The following SORCS2 variants were observed in gnomAD, a reference collection of about 807,000 sequenced individuals.
The protein encoded by SORCS2 is sortilin related VPS10 domain containing receptor 2.
In SORCS2, 100 loss-of-function variants were observed where a neutral mutation model predicts 141.6. That is an observed-to-expected ratio of 0.71 (90% CI 0.60 to 0.83). The LOEUF (loss-of-function observed/expected upper bound fraction) is 0.83, where lower values mean the gene tolerates loss of function less well. Among genes scored for constraint, SORCS2 ranks in the 40% least tolerant of loss-of-function variants. The probability of loss-of-function intolerance (pLI) is 0.00; values close to 1 mark genes in which losing one functional copy is unlikely to be tolerated. For synonymous variants in SORCS2, 789 were observed against 676.9 expected (o/e 1.17, Z -2.57); for missense variants, 1,646 against 1,560.2 (o/e 1.05, Z -0.93).
chr4:7,356,732 C>T (rs1560215180), intron 1 of SORCS2, among the ~76,000 whole-genome samples: 1 of 152,238 alleles, frequency 6.6e-6, no homozygotes, highest in Non-Finnish European at 1.5e-5. Flanking sequence ...TTCATAAGTG[C>T]AGGCCTGGCT....
intron 9 of SORCS2, 116 bp downstream of exon 9, chr4:7,676,345 T>C: frequency 9.1e-7 from 1 of 1,099,036 alleles, no homozygotes; most frequent in African/African-American, 1.6e-5. Context: ...GTCTCAAGGG[T>C]CTGCACACAT....
intron 2 of SORCS2, among the ~76,000 whole-genome samples, chr4:7,496,459 TCCCCCGTC>T (rs1560332423): frequency 7.5e-5 from 2 of 26,682 alleles, no homozygotes; most frequent in Non-Finnish European, 1.3e-4. Flanking sequence ...CCGTTCCCCG[TCCCCCGTC>T]CCCCGTCCCC....
chr4:7,504,666 T>C (rs560552299), intron 2 of SORCS2, among the ~76,000 whole-genome samples: 71 of 152,198 alleles, frequency 4.7e-4, no homozygotes, highest in Non-Finnish European at 9.3e-4. Flanking sequence ...AGGAGGGCTC[T>C]GAGCTTGTTA....
intron 3 of SORCS2, among the ~76,000 whole-genome samples, chr4:7,559,915 G>A (rs892945959): frequency 2.0e-5 from 3 of 152,250 alleles, no homozygotes; most frequent in Admixed American, 6.5e-5. Context: ...GGAGCCAGGC[G>A]CTATGGAGTT....
intron 2 of SORCS2, among the ~76,000 whole-genome samples, chr4:7,480,870 C>G (rs781509879): frequency 1.2e-4 from 19 of 152,360 alleles, no homozygotes; most frequent in Middle Eastern, 3.4e-3. Context: ...GGTGGGTTCA[C>G]AGTCTTGATA....
At chr4:7,575,263 T>C (rs1166350121) in intron 3 of SORCS2, among the ~76,000 whole-genome samples, 1 of 152,212 alleles carries the variant, frequency 6.6e-6, no homozygotes, top group Non-Finnish European at 1.5e-5. Context: ...ATTAACCCTA[T>C]TCAAAAAGTA....
chr4:7,207,435 G>C (rs1180576562), intron 1 of SORCS2, among the ~76,000 whole-genome samples: 1 of 152,174 alleles, frequency 6.6e-6, no homozygotes. Flanking sequence ...CTGGGCTGGA[G>C]TGTGGCGGCC....
chr4:7,206,593 C>CA (rs1468118296), intron 1 of SORCS2, among the ~76,000 whole-genome samples: 1 of 152,108 alleles, frequency 6.6e-6, no homozygotes, highest in African/African-American at 2.4e-5. Flanking sequence ...GCCAGAGAGA[C>CA]AGACAGATTT....
At chr4:7,253,274 G>A (rs1045103881) in intron 1 of SORCS2, among the ~76,000 whole-genome samples, 3 of 152,202 alleles carry the variant, frequency 2.0e-5, no homozygotes, top group South Asian at 2.1e-4. Flanking sequence ...GAGCCTCGCC[G>A]GGGAGGAGAG....
chr4:7,334,919 G>T (rs527597810), intron 1 of SORCS2, among the ~76,000 whole-genome samples: 3 of 152,136 alleles, frequency 2.0e-5, no homozygotes, highest in African/African-American at 7.2e-5. Context: ...TTCTGGGAGC[G>T]GAGGGAAGTG....
intron 3 of SORCS2, among the ~76,000 whole-genome samples, chr4:7,540,411 A>G (rs1712534992): frequency 6.6e-6 from 1 of 152,016 alleles, no homozygotes; most frequent in Non-Finnish European, 1.5e-5. Flanking sequence ...GTCATGTACT[A>G]TGTCCAGCGG....
At chr4:7,309,525 G>A (rs753009440) in intron 1 of SORCS2, among the ~76,000 whole-genome samples, 20 of 152,198 alleles carry the variant, frequency 1.3e-4, no homozygotes, top group Non-Finnish European at 2.4e-4. Context: ...GCTCTTTGTC[G>A]GAAGCATTTG....
At chr4:7,726,644 T>TG (rs1435576275) in intron 20 of SORCS2, 136 bp from the exon 21 acceptor site, 1 of 1,131,928 alleles carries the variant, frequency 8.8e-7, no homozygotes, top group East Asian at 2.6e-5. Flanking sequence ...CACCACAGGA[T>TG]GTCCATAATG....
At chr4:7,676,028 T>C (rs1477162578) in intron 8 of SORCS2, 22 bp from the exon 9 acceptor site, 1 of 1,562,822 alleles carries the variant, frequency 6.4e-7, no homozygotes, top group Non-Finnish European at 8.7e-7. Flanking sequence ...TCTGACCCTG[T>C]GCTCCCTGCA....
intron 2 of SORCS2, among the ~76,000 whole-genome samples, chr4:7,444,265 C>G (rs1727857968): frequency 6.6e-6 from 1 of 152,190 alleles, no homozygotes; most frequent in Non-Finnish European, 1.5e-5. Flanking sequence ...AACTTATATT[C>G]TAGCGGAGGA....
intron 1 of SORCS2, among the ~76,000 whole-genome samples, chr4:7,335,191 C>T (rs552793966): frequency 1.4e-4 from 21 of 152,306 alleles, no homozygotes; most frequent in Middle Eastern, 3.4e-3. Context: ...CCGGGGCACA[C>T]GCCTAGTTTT....
chr4:7,319,711 C>T (rs747375890), intron 1 of SORCS2, among the ~76,000 whole-genome samples: 3 of 152,202 alleles, frequency 2.0e-5, no homozygotes, highest in Admixed American at 6.5e-5. Context: ...AAGACCCCAC[C>T]TCTAAAAAAA....
At chr4:7,477,921 A>G (rs1014809285) in intron 2 of SORCS2, among the ~76,000 whole-genome samples, 21 of 152,226 alleles carry the variant, frequency 1.4e-4, no homozygotes, top group Admixed American at 2.6e-4. Flanking sequence ...AAACTGATGC[A>G]CAAAGTCATC....
At chr4:7,574,860 G>T (rs1370877113) in intron 3 of SORCS2, among the ~76,000 whole-genome samples, 3 of 152,174 alleles carry the variant, frequency 2.0e-5, no homozygotes, top group Non-Finnish European at 4.4e-5. Flanking sequence ...ACTGAGCAAG[G>T]CCTCTGTGTC....
Sources: allele counts gnomAD v4.1 joint callset (sites outside exome capture counted in the v4.1 genomes callset), GRCh38; gene constraint gnomAD v4.1.1; transcripts MANE v1.5; gene names NCBI Gene and HGNC (gene_info 2026-07-23, HGNC 2026-07-21).